The following CHD6 variants were observed in gnomAD, a reference collection of about 807,000 sequenced individuals.
CHD6 encodes chromodomain helicase DNA binding protein 6, also known as ATP-dependent chromatin remodeler CHD6.
In CHD6, 50 loss-of-function variants were observed where a neutral mutation model predicts 276.9. The observed-to-expected ratio is 0.18, with a 90% CI of 0.14 to 0.23. The LOEUF (loss-of-function observed/expected upper bound fraction) is 0.23, where lower values mean the gene tolerates loss of function less well. Ranked by LOEUF, CHD6 falls within the 10% of genes least tolerant of loss-of-function variation. The probability of loss-of-function intolerance (pLI) is 1.00; values close to 1 mark genes in which losing one functional copy is unlikely to be tolerated. For synonymous variants in CHD6, 1,173 were observed against 1,229.3 expected, an observed-to-expected ratio of 0.95 and a Z score of 0.96; for missense variants, 2,564 against 3,365.8, an observed-to-expected ratio of 0.76 and a Z score of 5.89.
intron 3 of CHD6, among the ~76,000 whole-genome samples, chr20:41,522,961 A>G (rs1223282000): frequency 1.3e-5 from 2 of 152,126 alleles, no homozygotes; most frequent in Non-Finnish European, 1.5e-5. Context: ...ATATATATAT[A>G]TGCAGGAGTG....
chr20:41,508,995 T>A (rs1390940353), intron 5 of CHD6, among the ~76,000 whole-genome samples: 4 of 152,186 alleles, frequency 2.6e-5, no homozygotes, highest in Admixed American at 6.5e-5. Context: ...TAGGTCTTTA[T>A]ACTAGCTACT....
intron 2 of CHD6, among the ~76,000 whole-genome samples, chr20:41,546,815 CTGAG>C (rs1225920959): frequency 4.6e-5 from 7 of 152,196 alleles, no homozygotes; most frequent in South Asian, 2.1e-4. Context: ...TATAGCTCTC[CTGAG>C]TGATTCACTT....
chr20:41,406,678 C>A (rs2046685702), intron 36 of CHD6, among the ~76,000 whole-genome samples: 1 of 152,214 alleles, frequency 6.6e-6, no homozygotes, highest in African/African-American at 2.4e-5. Flanking sequence ...TTTCTTCCCA[C>A]AGATGGGAAG....
chr20:41,608,240 C>T (rs2045850410), intron 1 of CHD6, among the ~76,000 whole-genome samples: 1 of 152,040 alleles, frequency 6.6e-6, no homozygotes, highest in African/African-American at 2.4e-5. Flanking sequence ...GAGGGATATG[C>T]CAAAAAGTTT....
chr20:41,598,935 A>G (rs2045746496), intron 1 of CHD6, among the ~76,000 whole-genome samples: 2 of 152,116 alleles, frequency 1.3e-5, no homozygotes, highest in Admixed American at 6.5e-5. Context: ...GGACAATCAC[A>G]AAAAAAGGAG....
chr20:41,577,757 T>C (rs887107368), intron 1 of CHD6, among the ~76,000 whole-genome samples: 4 of 152,246 alleles, frequency 2.6e-5, no homozygotes, highest in African/African-American at 9.6e-5. Flanking sequence ...TTTCTAGTAA[T>C]AGAGACACTA....
intron 7 of CHD6, 62 bp from the exon 8 acceptor site, chr20:41,497,563 G>C (rs2043717763): frequency 8.8e-7 from 1 of 1,141,892 alleles, no homozygotes; most frequent in Non-Finnish European, 1.3e-6. Flanking sequence ...GAGCTTTAAG[G>C]TGTTCAATAA....
chr20:41,533,723 G>A (rs546663579), intron 2 of CHD6, among the ~76,000 whole-genome samples, 153 bp from the exon 3 acceptor site: 50 of 152,292 alleles, frequency 3.3e-4, no homozygotes, highest in African/African-American at 1.1e-3. Context: ...TGGAGACAGA[G>A]TGGCAAACAG....
chr20:41,599,323 G>A (rs568718589), intron 1 of CHD6, among the ~76,000 whole-genome samples: 1 of 152,192 alleles, frequency 6.6e-6, no homozygotes, highest in African/African-American at 2.4e-5. Context: ...AATTACAAAA[G>A]CCTGGGCCTT....
At chr20:41,407,354 G>A (rs1177651185) in intron 36 of CHD6, among the ~76,000 whole-genome samples, 1 of 152,160 alleles carries the variant, frequency 6.6e-6, no homozygotes, top group East Asian at 1.9e-4. Context: ...CTTGGGGTGC[G>A]AAAGGAGATG....
At chr20:41,609,427 A>G (rs1459023715) in intron 1 of CHD6, among the ~76,000 whole-genome samples, 1 of 152,250 alleles carries the variant, frequency 6.6e-6, no homozygotes. Context: ...ACCTGCCCAG[A>G]CAACCTACCG....
intron 1 of CHD6, among the ~76,000 whole-genome samples, chr20:41,581,889 T>C (rs934909286): frequency 6.6e-6 from 1 of 152,198 alleles, no homozygotes; most frequent in Admixed American, 6.5e-5. Context: ...AACCTTATTG[T>C]CAAGGTAGGG....
intron 1 of CHD6, among the ~76,000 whole-genome samples, chr20:41,566,994 C>G (rs1426175019): frequency 6.6e-6 from 1 of 152,206 alleles, no homozygotes; most frequent in Non-Finnish European, 1.5e-5. Context: ...TCTTAGCTAA[C>G]TAACTAGTTC....
Position 41,420,778 on chromosome 20 carries a change from C to T in CHD6, c.5857G>A (p.Asp1953Asn). The T allele has an allele frequency of 6.2e-7, 1 of 1,614,200 alleles. No individual in the cohort carries two copies. Among genetic ancestry groups the T allele is most frequent in the East Asian group, 2.2e-5 (1 of 44,882 alleles). Reference sequence around the variant, plus strand: ...TTGGGTTTCTCGATTTCAAATTCATCATTCTCGAGGCCATGCATCCACCTC... The same window carrying T: ...TTGGGTTTCTCGATTTCAAATTCATTATTCTCGAGGCCATGCATCCACCTC... ...MERWMHGLEN[D>N]EFEIEKPKAY... The change falls in exon 31 of 37, where the codon GAT (aspartate) becomes AAT (asparagine). Residue 1953 changes from aspartate to asparagine, a missense_variant. This residue lies in a region of CHD6 where 1,024 missense variants were observed against 1,047.9 expected (regional missense o/e 0.98). Coordinates refer to ENST00000373233, the MANE Select transcript of CHD6 (RefSeq NM_032221.5).
intron 1 of CHD6, among the ~76,000 whole-genome samples, chr20:41,558,520 C>T (rs2045264904): frequency 6.6e-6 from 1 of 152,224 alleles, no homozygotes; most frequent in South Asian, 2.1e-4. Context: ...AATATAAAAG[C>T]TCCCATTCCT....
rs1002839296 is a variant in CHD6 at position 41,505,817 on chromosome 20, A to G, written c.853-6460T>C. Among the ~76,000 whole-genome samples, 9 of 152,058 alleles carry G rather than the reference A, an allele frequency of 5.9e-5. No individual in the cohort carries two copies. In the East Asian group the frequency reaches 1.4e-3, roughly 23 times the overall value. ...CTCCCCTGGCAATAGCCTCATATAC[A>G]TAATTCCTATATGCCATCTCCACTT... On this transcript the variant is annotated intron_variant, in intron 5 of 36. Coordinates refer to ENST00000373233, the MANE Select transcript of CHD6 (RefSeq NM_032221.5).
At chr20:41,511,789 A>T (rs1242670015) in intron 5 of CHD6, among the ~76,000 whole-genome samples, 1 of 152,020 alleles carries the variant, frequency 6.6e-6, no homozygotes, top group Non-Finnish European at 1.5e-5. Context: ...GTTCCTCCTA[A>T]GTTCTTGTCT....
intron 31 of CHD6, among the ~76,000 whole-genome samples, chr20:41,420,236 T>C (rs1251819547): frequency 6.6e-6 from 1 of 152,178 alleles, no homozygotes; most frequent in Admixed American, 6.5e-5. Flanking sequence ...ATACATAGCA[T>C]CTATTGAATG....
chr20:41,536,060 T>C (rs1198216220), intron 2 of CHD6, among the ~76,000 whole-genome samples: 1 of 151,366 alleles, frequency 6.6e-6, no homozygotes, highest in Non-Finnish European at 1.5e-5. Context: ...GATTAAAAAA[T>C]ATAAGACAAA....
Sources: allele counts gnomAD v4.1 joint callset (sites outside exome capture counted in the v4.1 genomes callset), GRCh38; gene constraint gnomAD v4.1.1; regional missense constraint gnomAD v4.1.1; transcripts MANE v1.5; gene names NCBI Gene and HGNC (gene_info 2026-07-23, HGNC 2026-07-21).